ALOX12: variants seen among roughly 807,000 people sequenced by gnomAD.
ALOX12 encodes polyunsaturated fatty acid lipoxygenase ALOX12.
ALOX12 carries 62 observed loss-of-function variants against 85.5 expected under a neutral mutation model. The ratio of observed to expected loss-of-function variants is 0.73; its 90% confidence interval spans 0.59 to 0.90. The LOEUF is 0.90. ALOX12 is among the 40% of genes least tolerant of loss of function. ALOX12 has a pLI of 0.00. For synonymous variants in ALOX12, 299 were observed against 332.7 expected, an observed-to-expected ratio of 0.90 and a Z score of 1.10; for missense variants, 751 against 856.5, an observed-to-expected ratio of 0.88 and a Z score of 1.54.
chr17:7,004,567 C>T (rs796310285), intron 8 of ALOX12, among the ~76,000 whole-genome samples: 6 of 148,074 alleles, frequency 4.1e-5, no homozygotes, highest in African/African-American at 1.5e-4. Context: ...AAAAAAAGAC[C>T]ATGGCCTTTT....
chr17:7,001,715 C>A lies in ALOX12; in HGVS notation c.1065C>A (p.His355Gln), dbSNP rs113417479. 3.7e-6 allele frequency: 6 copies of A among 1,614,000 alleles called. No homozygotes were observed. The South Asian group carries it at 4.4e-5, about 12-fold the overall frequency. Reference sequence around the variant, plus strand: ...TCCGAAATTCAGATTTCCAACTGCACGAGATCCAGTATCACTTGCTGAACA... The same window carrying A: ...TCCGAAATTCAGATTTCCAACTGCAAGAGATCCAGTATCACTTGCTGAACA... ...SWVRNSDFQL[H>Q]EIQYHLLNTH... Residue 355 changes from histidine (H) to glutamine (Q), a missense_variant, in exon 8 of 14, where the codon CAC becomes CAA. Coordinates refer to ENST00000251535, the MANE Select transcript of ALOX12 (RefSeq NM_000697.3).
chr17:7,001,563 T>C (rs201084058), intron 7 of ALOX12, 39 bp from the exon 8 acceptor site: 4 of 1,542,794 alleles, frequency 2.6e-6, no homozygotes, highest in African/African-American at 1.4e-5. Flanking sequence ...TATAATGTCA[T>C]ATACGGAATG....
chr17:7,005,216 T>C (rs1178177835), intron 8 of ALOX12, 41 bp from the exon 9 acceptor site: 12 of 1,565,552 alleles, frequency 7.7e-6, no homozygotes, highest in Admixed American at 1.7e-5. Context: ...GACCCAAGCA[T>C]GGCCTCCACC....
intron 10 of ALOX12, 122 bp from the exon 11 acceptor site, chr17:7,006,364 A>T: frequency 6.9e-7 from 1 of 1,450,732 alleles, no homozygotes. Flanking sequence ...AGGGCTGAGG[A>T]TGTCCCAAAG....
rs1177236474 is a variant in ALOX12 at position 7,005,961 on chromosome 17, G to A, written c.1352G>A (p.Gly451Asp). 1 of 1,612,432 alleles carries A rather than the reference G, an allele frequency of 6.2e-7. No individual in the cohort carries two copies. The highest frequency in any genetic ancestry group is 2.2e-5 in the East Asian group (1 of 44,776). ...LCPPDDLADRGLLGLPGALYA... is the reference protein window; with the variant it reads ...LCPPDDLADRDLLGLPGALYA... Reference sequence around the variant, plus strand: ...CCTCCTGACGACCTGGCTGACCGGGGCCTGCTGGGACTCCCAGGTGCTCTC... The same window carrying A: ...CCTCCTGACGACCTGGCTGACCGGGACCTGCTGGGACTCCCAGGTGCTCTC... The change falls in exon 10 of 14, where the codon GGC becomes GAC. Residue 451 changes from glycine to aspartate, a missense_variant. Gly to Asp is a moderately conservative substitution (Grantham distance 94). Transcript: ENST00000251535.
chr17:6,997,129 T>G, intron 2 of ALOX12, 102 bp downstream of exon 2: 1 of 1,442,724 alleles, frequency 6.9e-7, no homozygotes, highest in Non-Finnish European at 9.1e-7. Context: ...AGAGGATGTA[T>G]GGGCCCAGGG....
chr17:7,005,177 C>T, intron 8 of ALOX12, 80 bp from the exon 9 acceptor site: 2 of 1,239,458 alleles, frequency 1.6e-6, no homozygotes, highest in Non-Finnish European at 1.2e-6. Flanking sequence ...GAGAAGGCGC[C>T]ATGCTGGGTG....
In ALOX12 at chr17:7,010,439, T is replaced by G; in HGVS notation, c.*16T>G. On this transcript the variant is annotated 3_prime_UTR_variant, in exon 14 of 14. Coordinates refer to ENST00000251535, the MANE Select transcript of ALOX12 (RefSeq NM_000697.3). ...CACCATCTGAGCCCTAGAGTGACTC[T>G]ACCTGCAAGATTTCACATCAGCTTT... 1 of 1,603,502 alleles carries G rather than the reference T, an allele frequency of 6.2e-7. No individual in the cohort carries two copies. The highest frequency in any genetic ancestry group is 8.5e-7 in the Non-Finnish European group (1 of 1,174,690).
intron 10 of ALOX12, among the ~76,000 whole-genome samples, chr17:7,006,234 T>TG (rs1250573646): frequency 5.8e-5 from 7 of 121,126 alleles, no homozygotes; most frequent in African/African-American, 6.4e-5. Context: ...AGGGGAGCTG[T>TG]GGGGGGAGAC....
At chr17:7,008,495 C>G (rs2151647419) in intron 11 of ALOX12, among the ~76,000 whole-genome samples, 1 of 152,244 alleles carries the variant, frequency 6.6e-6, no homozygotes, top group Admixed American at 6.5e-5. Context: ...TTGGGTCTCC[C>G]AGCACTTTAG....
At chr17:7,003,593 AT>A (rs548763274) in intron 8 of ALOX12, among the ~76,000 whole-genome samples, 1 of 151,766 alleles carries the variant, frequency 6.6e-6, no homozygotes, top group African/African-American at 2.4e-5. Context: ...TGCCTGGCTA[AT>A]TTTTTTTATT....
intron 1 of ALOX12, 107 bp from the exon 2 acceptor site, chr17:6,996,719 T>C: frequency 7.4e-7 from 1 of 1,355,262 alleles, no homozygotes; most frequent in South Asian, 1.5e-5. Flanking sequence ...CGATGCTGTC[T>C]TTGGAGGCCC....
intron 8 of ALOX12, 22 bp from the exon 9 acceptor site, chr17:7,005,235 C>T (rs748449278): frequency 1.2e-6 from 2 of 1,605,786 alleles, no homozygotes; most frequent in Non-Finnish European, 1.7e-6. Context: ...CCAGTCACGC[C>T]CTCCAATCTC....
chr17:7,005,853 C>T lies in ALOX12; in HGVS notation c.1249-5C>T. 1.9e-6 allele frequency: 3 copies of T among 1,610,812 alleles called. No individual in the cohort carries two copies. The highest frequency in any genetic ancestry group is 2.5e-6 in the Non-Finnish European group (3 of 1,179,448). On this transcript the variant is annotated splice_region_variant and splice_polypyrimidine_tract_variant and intron_variant, in intron 9 of 13. Transcript: ENST00000251535. ...CCCTCTAAGACCTGTGATCTCCTGT[C>T]CCAGGCAGTGAGCACAGGTGGAGGG...
In ALOX12 at chr17:6,998,758, G is replaced by A; in HGVS notation, c.463G>A (p.Asp155Asn). The change falls in exon 4 of 14, where the codon GAC (aspartate) becomes AAC (asparagine). Residue 155 changes from aspartate (D) to asparagine (N), a missense_variant. Asp to Asn is a conservative substitution (Grantham distance 23). Coordinates refer to ENST00000251535, the MANE Select transcript of ALOX12 (RefSeq NM_000697.3). The stretch of plus-strand genomic sequence containing the variant: ...AGGGTTACCCCTGACCATCGCTGCA[G>A]ACCGTAAGGATGATCTACCTCCAAA... The part of the protein sequence containing the change: ...KEGLPLTIAA[D>N]RKDDLPPNMR... 6.2e-7 allele frequency: 1 copy of A among 1,614,132 alleles called. No individual in the cohort carries two copies. The highest frequency in any genetic ancestry group is 1.3e-5 in the African/African-American group (1 of 75,012).
At chr17:7,005,182 TG>T in intron 8 of ALOX12, 74 bp from the exon 9 acceptor site, 1 of 1,307,866 alleles carries the variant, frequency 7.6e-7, no homozygotes, top group Non-Finnish European at 1.1e-6. Context: ...GGCGCCATGC[TG>T]GGTGCCAGGC....
chr17:7,004,267 A>G (rs1457700157), intron 8 of ALOX12, among the ~76,000 whole-genome samples: 1 of 142,764 alleles, frequency 7.0e-6, no homozygotes, highest in Non-Finnish European at 1.5e-5. Flanking sequence ...ATATTAATTT[A>G]ACTTAATTTA....
At chr17:6,998,639 T>A in intron 3 of ALOX12, 49 bp downstream of exon 3, 1 of 1,598,794 alleles carries the variant, frequency 6.3e-7, no homozygotes, top group Non-Finnish European at 8.6e-7. Flanking sequence ...TCCCACCCCT[T>A]CCCTGCCCCT....
rs1567719754 is a variant in ALOX12, at chr17:7,005,888, C to T, written c.1279C>T (p.Gln427Ter). The change falls in exon 10 of 14, where the codon CAG becomes TAG. Residue 427 changes from glutamine to a stop codon, truncating the protein, a stop_gained. Transcript: ENST00000251535. LOFTEE classifies it high-confidence loss of function. Reference sequence around the variant, plus strand: ...GAGCACAGGTGGAGGGGGCCATGTACAGTTGCTCCGTCGGGCGGCAGCTCA... The same window carrying T: ...GAGCACAGGTGGAGGGGGCCATGTATAGTTGCTCCGTCGGGCGGCAGCTCA... ...AVSTGGGGHV[Q>*]LLRRAAAQLT... 2.5e-6 allele frequency: 4 copies of T among 1,613,278 alleles called. No homozygotes were observed. The highest frequency in any genetic ancestry group is 3.4e-6 in the Non-Finnish European group (4 of 1,179,926).
Sources: gnomAD v4.1 joint callset for allele counts (sites outside exome capture counted in the v4.1 genomes callset) on GRCh38, gnomAD v4.1.1 for gene constraint, MANE v1.5 for transcripts, NCBI Gene and HGNC (gene_info 2026-07-23, HGNC 2026-07-21) for gene names.